RNLS: variants seen among roughly 807,000 people sequenced by gnomAD.
RNLS encodes renalase, FAD dependent amine oxidase, also known as renalase.
A neutral mutation model predicts 39.8 loss-of-function variants in RNLS; 39 were observed. That is an observed-to-expected ratio of 0.98 (90% CI 0.76 to 1.28). The LOEUF (loss-of-function observed/expected upper bound fraction) is 1.28. Among genes scored for constraint, RNLS ranks in the 50% most tolerant of loss-of-function variants. The pLI is 0.00. For synonymous variants in RNLS, 147 were observed against 150.7 expected (o/e 0.98, Z 0.18); for missense variants, 410 against 413.3 (o/e 0.99, Z 0.07).
At chr10:88,489,377 T>G (rs1017178463) in intron 4 of RNLS, among the ~76,000 whole-genome samples, 4 of 152,174 alleles carry the variant, frequency 2.6e-5, no homozygotes, top group African/African-American at 9.6e-5. Flanking sequence ...CACTGGCTGA[T>G]TACCTATGTA....
intron 4 of RNLS, among the ~76,000 whole-genome samples, chr10:88,499,883 C>T (rs1845377064): frequency 6.6e-6 from 1 of 152,164 alleles, no homozygotes; most frequent in African/African-American, 2.4e-5. Context: ...GAAGGGTATA[C>T]TTGCAGTCTA....
chr10:88,185,153 A>G, the RNLS span, among the ~76,000 whole-genome samples: 58 of 152,188 alleles, frequency 3.8e-4, no homozygotes, highest in Non-Finnish European at 6.8e-4. Flanking sequence ...GTGCCATGAA[A>G]CACAAATATG....
At chr10:88,341,907 A>T (rs1443023761) in intron 5 of RNLS, among the ~76,000 whole-genome samples, 1 of 152,148 alleles carries the variant, frequency 6.6e-6, no homozygotes, top group African/African-American at 2.4e-5. Context: ...TATTTAAAAG[A>T]TTTTTTATAT....
chr10:88,344,593 A>G (rs1455634886), intron 5 of RNLS, among the ~76,000 whole-genome samples: 1 of 152,172 alleles, frequency 6.6e-6, no homozygotes, highest in Non-Finnish European at 1.5e-5. Flanking sequence ...TTATGAATAC[A>G]GTAAACAAAT....
At chr10:88,378,452 C>CTT (rs1236227384) in intron 4 of RNLS, among the ~76,000 whole-genome samples, 1 of 152,134 alleles carries the variant, frequency 6.6e-6, no homozygotes, top group East Asian at 1.9e-4. Flanking sequence ...AAAAATATTA[C>CTT]TTTAACTTAA....
the RNLS span, among the ~76,000 whole-genome samples, chr10:88,264,229 A>G: frequency 1.3e-4 from 20 of 152,262 alleles, no homozygotes; most frequent in South Asian, 6.2e-4. Flanking sequence ...TGATTGATGG[A>G]CATTTGGGCT....
intron 4 of RNLS, among the ~76,000 whole-genome samples, chr10:88,444,357 C>G (rs1564803916): frequency 6.6e-6 from 1 of 152,078 alleles, no homozygotes; most frequent in Non-Finnish European, 1.5e-5. Flanking sequence ...TAGATAAAAC[C>G]ACAAAGATAG....
At chr10:88,239,153 G>A in the RNLS span, among the ~76,000 whole-genome samples, 1 of 152,138 alleles carries the variant, frequency 6.6e-6, no homozygotes, top group Admixed American at 6.5e-5. Context: ...CTCCTGAAAT[G>A]TTTGATCTGC....
chr10:88,506,137 T>C (rs1042556749), intron 4 of RNLS, among the ~76,000 whole-genome samples: 1 of 152,018 alleles, frequency 6.6e-6, no homozygotes, highest in Non-Finnish European at 1.5e-5. Flanking sequence ...AATCCAGACT[T>C]TCATATATAT....
chr10:88,350,802 G>A (rs980589260), intron 5 of RNLS, among the ~76,000 whole-genome samples: 1 of 152,128 alleles, frequency 6.6e-6, no homozygotes, highest in Non-Finnish European at 1.5e-5. Context: ...CTGAGGAATC[G>A]CCGCACTGTA....
the RNLS span, among the ~76,000 whole-genome samples, chr10:88,203,454 G>GTATATA: frequency 0.014 from 12 of 832 alleles, 2 homozygotes; most frequent in South Asian, 0.031. Context: ...GTGTGTGTGT[G>GTATATA]TGTATATATA....
At chr10:88,486,700 T>G (rs372961714) in intron 4 of RNLS, among the ~76,000 whole-genome samples, 11 of 151,938 alleles carry the variant, frequency 7.2e-5, no homozygotes, top group African/African-American at 2.7e-4. Context: ...TATTAAAAAG[T>G]TAAAAAAATA....
intron 5 of RNLS, among the ~76,000 whole-genome samples, chr10:88,354,630 C>T (rs1401600259): frequency 6.6e-6 from 1 of 152,196 alleles, no homozygotes; most frequent in African/African-American, 2.4e-5. Context: ...GGACCTTTCT[C>T]TCTGGCTGCC....
chr10:88,283,546 T>C (rs1460872936), downstream of RNLS, among the ~76,000 whole-genome samples: 1 of 152,146 alleles, frequency 6.6e-6, no homozygotes, highest in African/African-American at 2.4e-5. Flanking sequence ...TGAATGACCT[T>C]TCTACCATAT....
At chr10:88,345,415 T>C (rs1848240344) in intron 5 of RNLS, among the ~76,000 whole-genome samples, 1 of 152,192 alleles carries the variant, frequency 6.6e-6, no homozygotes, top group South Asian at 2.1e-4. Context: ...TCTAACTTCA[T>C]GTTCTCTGAG....
At chr10:88,529,313 C>A (rs1372913042) in intron 4 of RNLS, among the ~76,000 whole-genome samples, 3 of 152,142 alleles carry the variant, frequency 2.0e-5, no homozygotes, top group African/African-American at 7.2e-5. Context: ...TTCTCCCCTG[C>A]AAAGGTATGT....
chr10:88,362,026 T>C (rs754177443), intron 5 of RNLS, among the ~76,000 whole-genome samples: 4 of 152,122 alleles, frequency 2.6e-5, no homozygotes, highest in Non-Finnish European at 2.9e-5. Flanking sequence ...CATAAAACAT[T>C]TTACCCGTTA....
intron 6 of RNLS, among the ~76,000 whole-genome samples, chr10:88,302,747 T>C (rs1217932252): frequency 1.3e-5 from 2 of 152,236 alleles, no homozygotes; most frequent in Non-Finnish European, 2.9e-5. Flanking sequence ...GGCTGACTAC[T>C]TTGAAGAGGA....
At chr10:88,415,250 C>A (rs950708210) in intron 4 of RNLS, among the ~76,000 whole-genome samples, 1 of 152,136 alleles carries the variant, frequency 6.6e-6, no homozygotes, top group South Asian at 2.1e-4. Flanking sequence ...CAGCTCCTAA[C>A]CTCTCCCCAA....
Sources: allele counts gnomAD v4.1 joint callset (sites outside exome capture counted in the v4.1 genomes callset), GRCh38; gene constraint gnomAD v4.1.1; transcripts MANE v1.5; gene names NCBI Gene and HGNC (gene_info 2026-07-23, HGNC 2026-07-21).